TMEM161B: variants seen among roughly 807,000 people sequenced by gnomAD.
TMEM161B encodes the protein transmembrane protein 161B.
In TMEM161B, 34 loss-of-function variants were observed where a neutral mutation model predicts 61.8. That is an observed-to-expected ratio of 0.55 (90% CI 0.42 to 0.73). TMEM161B has a LOEUF of 0.73. Ranked by LOEUF, TMEM161B falls within the 30% of genes least tolerant of loss-of-function variation. The pLI is 0.00. For synonymous variants in TMEM161B, 167 were observed against 192.8 expected, an observed-to-expected ratio of 0.87 and a Z score of 1.11; for missense variants, 456 against 558.5, an observed-to-expected ratio of 0.82 and a Z score of 1.85.
chr5:88,267,347 T>TA lies in TMEM161B; in HGVS notation c.3+1373dup, dbSNP rs552997121. Among the ~76,000 whole-genome samples the TA allele has an allele frequency of 7.8e-3, 1,138 of 146,256 alleles. 12 individuals carry two copies. Among genetic ancestry groups the TA allele is most frequent in the African/African-American group, 0.025 (1,008 of 40,262 alleles). The stretch of plus-strand genomic sequence containing the variant: ...ACAAACCATATTATTCACTGAGGCT[T>TA]AAAAAAAAAAACTTTAAAGAGATAG... On this transcript the variant is annotated intron_variant, in intron 1 of 11. Coordinates refer to ENST00000296595, the MANE Select transcript of TMEM161B (RefSeq NM_153354.5).
At chr5:88,221,911 AT>A (rs1434110307) in intron 4 of TMEM161B, among the ~76,000 whole-genome samples, 3 of 152,244 alleles carry the variant, frequency 2.0e-5, no homozygotes, top group Admixed American at 2.0e-4. Context: ...TAGAAAAAGT[AT>A]TTTGAAAATA....
Position 88,195,152 on chromosome 5 carries a change from T to C in TMEM161B, c.*1059A>G. ...TTTGGGAGAAACCATTAAGCGTCCA[T>C]AAAACTTTAAATACACTCACACATA... On this transcript the variant is annotated 3_prime_UTR_variant, in exon 12 of 12. Transcript: ENST00000296595. The C allele has an allele frequency of 1.0e-6, 1 of 985,282 alleles. No homozygotes were observed. The highest frequency in any genetic ancestry group is 1.2e-6 in the Non-Finnish European group (1 of 829,586). 61.0% of individuals were successfully genotyped at this position (985,282 alleles called of 1,614,324 possible). A position where few individuals can be genotyped will look rare whatever the true frequency, so the allele number is the denominator to read the frequency against.
At chr5:88,194,815 T>C (rs1415535724), downstream of TMEM161B, among the ~76,000 whole-genome samples, 1 of 152,106 alleles carries the variant, frequency 6.6e-6, no homozygotes, top group Non-Finnish European at 1.5e-5. Context: ...TTAAGAGTTA[T>C]ATGGAAAAGC....
At chr5:88,223,839 A>T (rs1384127441) in intron 4 of TMEM161B, among the ~76,000 whole-genome samples, 2 of 152,092 alleles carry the variant, frequency 1.3e-5, no homozygotes, top group East Asian at 3.9e-4. Flanking sequence ...CAGTGAGCCA[A>T]GATAGCACCA....
At chr5:88,267,744 C>T (rs1447219568) in intron 1 of TMEM161B, among the ~76,000 whole-genome samples, 5 of 152,166 alleles carry the variant, frequency 3.3e-5, no homozygotes, top group African/African-American at 7.2e-5. Context: ...TCCATACCCC[C>T]CTACCCCTTG....
At chr5:88,230,500 C>T (rs1275511800) in intron 2 of TMEM161B, among the ~76,000 whole-genome samples, 1 of 152,124 alleles carries the variant, frequency 6.6e-6, no homozygotes, top group Admixed American at 6.6e-5. Flanking sequence ...GGGGGTCATG[C>T]ATTATCTCTT....
intron 1 of TMEM161B, among the ~76,000 whole-genome samples, chr5:88,257,276 AAAAAC>A (rs901335738): frequency 1.2e-4 from 19 of 152,212 alleles, no homozygotes; most frequent in African/African-American, 4.6e-4. Flanking sequence ...TCTCAAAAAC[AAAAAC>A]AAAACAAAAC....
intron 1 of TMEM161B, among the ~76,000 whole-genome samples, chr5:88,248,611 G>A (rs1159583026): frequency 6.6e-6 from 1 of 151,716 alleles, no homozygotes; most frequent in African/African-American, 2.4e-5. Context: ...TTTTTCCCAG[G>A]GAGACCCAGG....
At position 88,196,000 on chromosome 5, in the gene TMEM161B, C is replaced by T. The variant is rs1749560543; in HGVS notation, c.*211G>A. The T allele has an allele frequency of 2.3e-6, 3 of 1,310,100 alleles. No individual in the cohort carries two copies. The East Asian group carries it at 9.7e-5, about 42-fold the overall frequency. The allele number at this position is 1,310,100 out of a possible 1,614,324, so 81.2% of individuals were successfully genotyped here. ...ACAAAGAGTTAAAATTCCAATGCCA[C>T]AGTGTAACAGTTAACAATCTATTTT... On this transcript the variant is annotated 3_prime_UTR_variant, in exon 12 of 12. Transcript: ENST00000296595.
chr5:88,237,212 T>C (rs561165179), intron 2 of TMEM161B, among the ~76,000 whole-genome samples: 1 of 152,280 alleles, frequency 6.6e-6, no homozygotes, highest in East Asian at 1.9e-4. Context: ...CCATAAGTAT[T>C]ATTTCCCAGC....
intron 1 of TMEM161B, 104 bp downstream of exon 1, chr5:88,268,617 C>G: frequency 6.5e-7 from 1 of 1,543,714 alleles, no homozygotes. Context: ...CCCAACGTCT[C>G]AACTCCATTC....
chr5:88,229,524 A>T (rs1750628274), intron 2 of TMEM161B, among the ~76,000 whole-genome samples: 1 of 149,942 alleles, frequency 6.7e-6, no homozygotes, highest in Non-Finnish European at 1.5e-5. Context: ...AAGGTGGACC[A>T]CCTTTACTTA....
At chr5:88,188,415 C>T (rs1462130938), downstream of TMEM161B, among the ~76,000 whole-genome samples, 4 of 150,498 alleles carry the variant, frequency 2.7e-5, no homozygotes, top group South Asian at 2.1e-4. Flanking sequence ...TGTGCCTGGT[C>T]GTCTTTTTGA....
At position 88,196,290 on chromosome 5, in the gene TMEM161B, A is replaced by G. The variant is rs1175957071; in HGVS notation, c.1385T>C (p.Leu462Pro). 6.2e-7 allele frequency: 1 copy of G among 1,613,304 alleles called. No homozygotes were observed. Among genetic ancestry groups the G allele is most frequent in the Non-Finnish European group, 8.5e-7 (1 of 1,179,550 alleles). ...PLLFRGLLSFLTWWIAACLFS... is the reference protein window; with the variant it reads ...PLLFRGLLSFPTWWIAACLFS... ...GAGGCAAGCAGCAATCCACCAGGTC[A>G]GAAAAGACAGAAGTCCTCGAAAAAG... The change falls in exon 12 of 12, where the codon CTG becomes CCG. Residue 462 changes from leucine to proline, a missense_variant. Physicochemically the swap from Leu to Pro is moderately conservative, Grantham distance 98. Transcript: ENST00000296595.
chr5:88,255,961 G>A lies in TMEM161B; in HGVS notation c.3+12760C>T, dbSNP rs541383193. ...TAAAAAATACCAGCTCCAGACTTTCGGATAAAGATGACAATATAAAGTCAT... is the reference window on the plus strand; with the variant it reads ...TAAAAAATACCAGCTCCAGACTTTCAGATAAAGATGACAATATAAAGTCAT... On this transcript the variant is annotated intron_variant, in intron 1 of 11. Transcript: ENST00000296595. Among the ~76,000 whole-genome samples the A allele has an allele frequency of 7.9e-5, 12 of 151,910 alleles. No individual in the cohort carries two copies. The South Asian group carries it at 8.3e-4, about 11-fold the overall frequency.
intron 1 of TMEM161B, among the ~76,000 whole-genome samples, chr5:88,241,480 A>G (rs1341917268): frequency 1.3e-5 from 2 of 152,012 alleles, no homozygotes; most frequent in Non-Finnish European, 2.9e-5. Flanking sequence ...ATGAAGTGGA[A>G]AGCGATTTCT....
chr5:88,185,842 T>C (rs1204850055), downstream of TMEM161B, among the ~76,000 whole-genome samples: 2 of 152,130 alleles, frequency 1.3e-5, no homozygotes, highest in Admixed American at 6.5e-5. Flanking sequence ...CAATGAGTTG[T>C]GGGACAAATT....
At position 88,203,067 on chromosome 5, in the gene TMEM161B, A is replaced by C; in HGVS notation, c.809T>G (p.Leu270Arg). Residue 270 changes from leucine (L) to arginine (R), a missense_variant, in exon 9 of 12, where the codon CTT becomes CGT. Physicochemically the swap from Leu to Arg is moderately radical, Grantham distance 102. Around this residue, in one of 3 missense-constraint regions of TMEM161B, gnomAD observed 367 missense variants for 427.3 expected, o/e 0.86. Coordinates refer to ENST00000296595, the MANE Select transcript of TMEM161B (RefSeq NM_153354.5). ...TAAAGGTGCCAAGAAGTTGATATGA[A>C]GTAAAGTTCTGAAAGTACGTAAGAA... Reference protein sequence around the residue: ...LATEKITQTLLHINFLAPLFM... With the variant: ...LATEKITQTLRHINFLAPLFM... 1 of 1,580,114 alleles carries C rather than the reference A, an allele frequency of 6.3e-7. No homozygotes were observed. The highest frequency in any genetic ancestry group is 8.7e-7 in the Non-Finnish European group (1 of 1,149,980).
downstream of TMEM161B, chr5:88,190,260 T>C (rs1363719989): frequency 1.7e-5 from 12 of 700,678 alleles, no homozygotes; most frequent in Non-Finnish European, 2.9e-5. Flanking sequence ...CCTTGCATTA[T>C]GCTGTCGGCA....
Sources: allele counts gnomAD v4.1 joint callset (sites outside exome capture counted in the v4.1 genomes callset), GRCh38; gene constraint gnomAD v4.1.1; regional missense constraint gnomAD v4.1.1; transcripts MANE v1.5; gene names NCBI Gene and HGNC (gene_info 2026-07-23, HGNC 2026-07-21).